MGMT: variants seen among roughly 807,000 people sequenced by gnomAD.
The protein encoded by MGMT is O-6-methylguanine-DNA methyltransferase.
In MGMT, 14 loss-of-function variants were observed where a neutral mutation model predicts 15.9. That is an observed-to-expected ratio of 0.88 (90% CI 0.58 to 1.37). The LOEUF is 1.37. Among genes scored for constraint, MGMT ranks in the 40% most tolerant of loss-of-function variants. The probability of loss-of-function intolerance (pLI) is 0.00; values close to 1 mark genes in which losing one functional copy is unlikely to be tolerated. For synonymous variants in MGMT, 130 were observed against 118.2 expected (o/e 1.10, Z -0.65); for missense variants, 282 against 268.1 (o/e 1.05, Z -0.36).
chr10:129,566,800 G>A lies in MGMT; in HGVS notation c.125+30423G>A, dbSNP rs555095022. 3.2e-4 allele frequency among the ~76,000 whole-genome samples: 48 copies of A among 152,092 alleles called. No homozygotes were observed. Among genetic ancestry groups the A allele is most frequent in the Non-Finnish European group, 5.0e-4 (34 of 68,030 alleles). ...CCCTCTGATTCCACGGAGGAGCTGC[G>A]GAAAGTCCACATTTTTGAAGAGCTG... On this transcript the variant is annotated intron_variant, in intron 2 of 4. Transcript: ENST00000651593. The surrounding 1 kb of genome is among the most constrained non-coding windows in gnomAD (Gnocchi z 4.1).
chr10:129,538,518 G>A (rs895774853), intron 2 of MGMT, among the ~76,000 whole-genome samples: 4 of 152,218 alleles, frequency 2.6e-5, no homozygotes, highest in African/African-American at 9.6e-5. Flanking sequence ...ATTCTGGCTG[G>A]TATGAAGTAT....
chr10:129,573,896 A>G (rs1157074121), intron 2 of MGMT, among the ~76,000 whole-genome samples: 1 of 152,220 alleles, frequency 6.6e-6, no homozygotes, highest in Non-Finnish European at 1.5e-5. Context: ...ATTCTAAATA[A>G]GTGACTTTGT....
chr10:129,748,604 G>A (rs370664636), intron 3 of MGMT, among the ~76,000 whole-genome samples: 27 of 152,138 alleles, frequency 1.8e-4, no homozygotes, highest in African/African-American at 6.5e-4. Context: ...TGCTATGGGG[G>A]TGGTGTTGTT....
chr10:129,733,039 G>A (rs1848520146), intron 3 of MGMT, among the ~76,000 whole-genome samples: 3 of 151,596 alleles, frequency 2.0e-5, no homozygotes, highest in South Asian at 2.1e-4. Flanking sequence ...TGTCTTTATA[G>A]CAGCATGATT....
In MGMT at chr10:129,657,729, C is replaced by CACACACACACACACACACACA. The variant is rs1564750921; in HGVS notation, c.126-50166_126-50165insACACACACACACACACACACA. Among the ~76,000 whole-genome samples, 46 of 122,354 alleles carry CACACACACACACACACACACA rather than the reference C, an allele frequency of 3.8e-4. 1 individual carries two copies. Among genetic ancestry groups the CACACACACACACACACACACA allele is most frequent in the East Asian group, 2.1e-3 (9 of 4,386 alleles). The allele number at this position is 122,354 out of a possible 152,430, so 80.3% of individuals were successfully genotyped here. A position where few individuals can be genotyped will look rare whatever the true frequency, so the allele number is the denominator to read the frequency against. On this transcript the variant is annotated intron_variant, in intron 2 of 4. Transcript: ENST00000651593. ...CACGCACACACACACACACACACAC[C>CACACACACACACACACACACA]CCCTCTCCCCCAAGGACCCACAAGG... is the stretch of plus-strand genomic sequence containing the variant.
rs535946745 is a variant in MGMT at position 129,609,006 on chromosome 10, C to T, written c.125+72629C>T. Among the ~76,000 whole-genome samples, 413 of 152,334 alleles carry T rather than the reference C, an allele frequency of 2.7e-3. 1 individual carries two copies. The highest frequency in any genetic ancestry group is 9.4e-3 in the African/African-American group (391 of 41,574). ...GGGCCTGCTCTCTCATGTCACCTGC[C>T]GGCGGTGGCATGGAGACAAAGCCTT... On this transcript the variant is annotated intron_variant, in intron 2 of 4. Transcript: ENST00000651593.
At chr10:129,714,603 C>T (rs1251612911) in intron 3 of MGMT, among the ~76,000 whole-genome samples, 2 of 152,144 alleles carry the variant, frequency 1.3e-5, no homozygotes, top group Admixed American at 6.5e-5. Context: ...CATGGGCACA[C>T]GCACACACAT....
At chr10:129,694,479 A>C (rs971107898) in intron 2 of MGMT, among the ~76,000 whole-genome samples, 2 of 152,118 alleles carry the variant, frequency 1.3e-5, no homozygotes, top group African/African-American at 4.8e-5. Flanking sequence ...TTTGAAGAGG[A>C]GGAAAAAGGC....
At chr10:129,520,529 A>AGGTGCAGAGCCTCTACG (rs1845792999) in intron 1 of MGMT, among the ~76,000 whole-genome samples, 1 of 134,054 alleles carries the variant, frequency 7.5e-6, no homozygotes, top group African/African-American at 2.8e-5. Context: ...GAGCCTCTAC[A>AGGTGCAGAGCCTCTACG]GTGCATGTAC....
chr10:129,539,324 A>G (rs1430926924), intron 2 of MGMT, among the ~76,000 whole-genome samples: 1 of 151,958 alleles, frequency 6.6e-6, no homozygotes, highest in African/African-American at 2.4e-5. Context: ...GTAGCTATTT[A>G]GTTGTTTTAG....
chr10:129,610,310 A>G (rs1041227883), intron 2 of MGMT, among the ~76,000 whole-genome samples: 1 of 152,182 alleles, frequency 6.6e-6, no homozygotes, highest in Non-Finnish European at 1.5e-5. Context: ...GGCCCATGTC[A>G]TCTGCAAGTC....
intron 3 of MGMT, among the ~76,000 whole-genome samples, chr10:129,736,962 A>G (rs1046756627): frequency 3.3e-5 from 5 of 152,202 alleles, no homozygotes; most frequent in African/African-American, 7.2e-5. Context: ...TTTGAGGGTA[A>G]CCCGACCTTT....
chr10:129,602,740 C>T (rs1846839151), intron 2 of MGMT, among the ~76,000 whole-genome samples: 1 of 152,106 alleles, frequency 6.6e-6, no homozygotes, highest in Admixed American at 6.5e-5. Flanking sequence ...CACCCTCCCT[C>T]CCCCTCCTTC....
chr10:129,677,841 G>A (rs557787457), intron 2 of MGMT, among the ~76,000 whole-genome samples: 49 of 152,208 alleles, frequency 3.2e-4, no homozygotes, highest in African/African-American at 1.1e-3. Context: ...GCCAGGTTCC[G>A]GGGGCATCTC....
intron 2 of MGMT, among the ~76,000 whole-genome samples, chr10:129,589,392 A>G (rs571062795): frequency 2.2e-4 from 34 of 152,354 alleles, no homozygotes; most frequent in African/African-American, 7.7e-4. Flanking sequence ...GCCTCAGAGC[A>G]TGGGTGCTAC....
chr10:129,665,148 C>CCCACTCCTTCAGTCACCCAT (rs1392226276), intron 2 of MGMT, among the ~76,000 whole-genome samples: 1 of 150,632 alleles, frequency 6.6e-6, no homozygotes, highest in East Asian at 2.0e-4. Flanking sequence ...CAGTCACCCA[C>CCCACTCCTTCAGTCACCCAT]CCACTCCATC....
At chr10:129,679,003 G>A (rs1326605070) in intron 2 of MGMT, among the ~76,000 whole-genome samples, 2 of 151,568 alleles carry the variant, frequency 1.3e-5, no homozygotes, top group African/African-American at 2.4e-5. Flanking sequence ...AACCCAGGAG[G>A]CAGAGGTTGC....
At chr10:129,575,011 C>G (rs985616963) in intron 2 of MGMT, among the ~76,000 whole-genome samples, 2 of 152,090 alleles carry the variant, frequency 1.3e-5, no homozygotes, top group Non-Finnish European at 2.9e-5. Context: ...GCTGTGTGAT[C>G]TCCACACAGC....
At chr10:129,536,100 T>C in intron 1 of MGMT, 141 bp from the exon 2 acceptor site, 2 of 922,262 alleles carry the variant, frequency 2.2e-6, no homozygotes, top group Non-Finnish European at 3.2e-6. Context: ...ATTGTGAAAA[T>C]GATGCATCGT....
Sources: gnomAD v4.1 joint callset for allele counts (sites outside exome capture counted in the v4.1 genomes callset) on GRCh38, gnomAD v4.1.1 for gene constraint, Gnocchi (gnomAD v3.1) non-coding constraint, MANE v1.5 for transcripts, NCBI Gene and HGNC (gene_info 2026-07-23, HGNC 2026-07-21) for gene names.